MGAT4C: variants seen among roughly 807,000 people sequenced by gnomAD.
MGAT4C encodes alpha-1,3-mannosyl-glycoprotein 4-beta-N-acetylglucosaminyltransferase C.
MGAT4C carries 19 observed loss-of-function variants against 40.1 expected under a neutral mutation model. The ratio of observed to expected loss-of-function variants is 0.47; its 90% confidence interval spans 0.33 to 0.70. The LOEUF is 0.70. Ranked by LOEUF, MGAT4C falls within the 30% of genes least tolerant of loss-of-function variation. The pLI, the probability that MGAT4C is intolerant of heterozygous loss-of-function variation, is 0.02. For missense variants in MGAT4C, 491 were observed against 563.2 expected, an observed-to-expected ratio of 0.87 and a Z score of 1.30; for synonymous variants, 181 against 187.1, an observed-to-expected ratio of 0.97 and a Z score of 0.27.
At chr12:86,118,435 T>C (rs1233881355) in intron 1 of MGAT4C, among the ~76,000 whole-genome samples, 1 of 152,166 alleles carries the variant, frequency 6.6e-6, no homozygotes, top group African/African-American at 2.4e-5. Flanking sequence ...AAGAGCTGCT[T>C]AGTAATGATG....
intron 1 of MGAT4C, among the ~76,000 whole-genome samples, chr12:86,222,241 T>C (rs532385595): frequency 6.6e-6 from 1 of 152,288 alleles, no homozygotes; most frequent in Admixed American, 6.5e-5. Context: ...GAATTGAAAG[T>C]GCATTTAAAA....
chr12:86,263,876 A>G (rs190098971), intron 4 of MGAT4C, among the ~76,000 whole-genome samples: 1 of 152,258 alleles, frequency 6.6e-6, no homozygotes, highest in Non-Finnish European at 1.5e-5. Flanking sequence ...TGACAGGCAT[A>G]TTATATCTCA....
At chr12:86,136,173 A>T (rs1186286495) in intron 1 of MGAT4C, among the ~76,000 whole-genome samples, 1 of 152,214 alleles carries the variant, frequency 6.6e-6, no homozygotes, top group Admixed American at 6.5e-5. Flanking sequence ...TAGATAGATC[A>T]GTCATCCATT....
intron 2 of MGAT4C, among the ~76,000 whole-genome samples, chr12:86,500,727 G>C (rs1371527607): frequency 6.6e-6 from 1 of 151,914 alleles, no homozygotes; most frequent in African/African-American, 2.4e-5. Flanking sequence ...TTTATCCAAT[G>C]ATGTTTATAT....
At chr12:86,303,735 TA>T (rs1953869631) in intron 4 of MGAT4C, among the ~76,000 whole-genome samples, 1 of 150,588 alleles carries the variant, frequency 6.6e-6, no homozygotes, top group South Asian at 2.1e-4. Flanking sequence ...ATTAATCCCT[TA>T]AAATTATATT....
intron 4 of MGAT4C, among the ~76,000 whole-genome samples, chr12:86,286,818 TGTAA>T (rs1455268857): frequency 6.6e-6 from 1 of 151,644 alleles, no homozygotes; most frequent in Admixed American, 6.6e-5. Flanking sequence ...AGCTCCAACT[TGTAA>T]GTGAGAACAT....
At position 85,957,706 on chromosome 12, in the gene MGAT4C, A is replaced by G. The variant is rs1189912911; in HGVS notation, c.*21583T>C. On this transcript the variant is annotated 3_prime_UTR_variant, in exon 5 of 5. Transcript: ENST00000611864. ...GAAAAAAAAAATCTATCAATCCTGAAAAGAGTGAATCTAGACAGATCATAT... is the reference window on the plus strand; with the variant it reads ...GAAAAAAAAAATCTATCAATCCTGAGAAGAGTGAATCTAGACAGATCATAT... 1 of 151,700 alleles carries G rather than the reference A, an allele frequency of 6.6e-6. No individual in the cohort carries two copies. The highest frequency in any genetic ancestry group is 1.5e-5 in the Non-Finnish European group (1 of 67,934). 9.4% of individuals were successfully genotyped at this position (151,700 alleles called of 1,614,324 possible).
At chr12:86,331,670 G>A (rs754826801) in intron 4 of MGAT4C, among the ~76,000 whole-genome samples, 7 of 152,058 alleles carry the variant, frequency 4.6e-5, no homozygotes, top group Non-Finnish European at 8.8e-5. Context: ...TAACCTGATC[G>A]TCTCCTGGCA....
At chr12:86,210,087 T>C (rs906768665) in intron 1 of MGAT4C, among the ~76,000 whole-genome samples, 3 of 152,206 alleles carry the variant, frequency 2.0e-5, no homozygotes, top group African/African-American at 7.2e-5. Flanking sequence ...CTCCAATTTA[T>C]CTACCTGGCC....
At chr12:86,332,628 T>C (rs1954695539) in intron 4 of MGAT4C, among the ~76,000 whole-genome samples, 1 of 150,940 alleles carries the variant, frequency 6.6e-6, no homozygotes, top group South Asian at 2.1e-4. Flanking sequence ...TTGGGAAAAA[T>C]CTTTACTTTT....
At chr12:86,256,108 T>G (rs1952505232) in intron 1 of MGAT4C, 131 bp downstream of exon 1, 1 of 152,092 alleles carries the variant, frequency 6.6e-6, no homozygotes, top group Non-Finnish European at 1.5e-5. Flanking sequence ...CCATAGTCCT[T>G]TAAATAATGA....
chr12:86,679,359 G>T (rs561765461), intron 2 of MGAT4C, among the ~76,000 whole-genome samples: 16 of 151,968 alleles, frequency 1.1e-4, no homozygotes, highest in Non-Finnish European at 2.4e-4. Flanking sequence ...TTAAGATACA[G>T]ACCAGATCAT....
intron 3 of MGAT4C, among the ~76,000 whole-genome samples, chr12:86,355,387 A>G (rs775040676): frequency 3.3e-5 from 5 of 152,198 alleles, no homozygotes; most frequent in Admixed American, 6.5e-5. Flanking sequence ...AAAAAATAAT[A>G]TTTGAAGACA....
chr12:86,760,320 G>GA lies in MGAT4C; in HGVS notation c.-261-33080dup, dbSNP rs373026026. Among the ~76,000 whole-genome samples the GA allele has an allele frequency of 9.9e-5, 15 of 151,626 alleles. No homozygotes were observed. The East Asian group carries it at 1.2e-3, about 12-fold the overall frequency. ...AAGTCTTAAAACTATCAAATCACTA[G>GA]AAAAAACTAGAAGAAAGCTCCATGA... On this transcript the variant is annotated intron_variant, in intron 1 of 7. Transcript: ENST00000548651.
intron 2 of MGAT4C, among the ~76,000 whole-genome samples, chr12:86,045,711 G>T (rs1892340964): frequency 2.0e-5 from 3 of 152,082 alleles, no homozygotes; most frequent in Non-Finnish European, 2.9e-5. Flanking sequence ...TGTGTAAGGA[G>T]GAAATGTGCT....
chr12:86,838,652 A>G (rs1307912612), intron 1 of MGAT4C: 2 of 152,202 alleles, frequency 1.3e-5, no homozygotes, highest in Non-Finnish European at 2.9e-5. Flanking sequence ...TGAATTGAGA[A>G]AATAACTACG....
chr12:86,286,324 A>G (rs1363852913), intron 4 of MGAT4C, among the ~76,000 whole-genome samples: 1 of 152,126 alleles, frequency 6.6e-6, no homozygotes, highest in Non-Finnish European at 1.5e-5. Flanking sequence ...TTAAAATTCC[A>G]TCTTTAGCAG....
chr12:86,662,859 A>G (rs1964013842), intron 2 of MGAT4C, among the ~76,000 whole-genome samples: 1 of 152,190 alleles, frequency 6.6e-6, no homozygotes, highest in Non-Finnish European at 1.5e-5. Flanking sequence ...AATTCGTGTC[A>G]AAAAATGAAC....
At chr12:86,088,620 ATGGG>A (rs1409429855) in intron 1 of MGAT4C, among the ~76,000 whole-genome samples, 1 of 152,016 alleles carries the variant, frequency 6.6e-6, no homozygotes, top group African/African-American at 2.4e-5. Context: ...CAACAAGCAT[ATGGG>A]AAAATGCTCA....
Sources: allele counts gnomAD v4.1 joint callset (sites outside exome capture counted in the v4.1 genomes callset), GRCh38; gene constraint gnomAD v4.1.1; transcripts MANE v1.5; gene names NCBI Gene and HGNC (gene_info 2026-07-23, HGNC 2026-07-21).